Variants in LIMCH1 observed in about 807,000 individuals in gnomAD.
The protein encoded by LIMCH1 is LIM and calponin homology domains-containing protein 1.
Under a neutral mutation model 176.5 loss-of-function variants are expected in LIMCH1, and 113 were observed. The ratio of observed to expected loss-of-function variants is 0.64; its 90% CI spans 0.55 to 0.75. The LOEUF (loss-of-function observed/expected upper bound fraction) is 0.75, where lower values mean the gene tolerates loss of function less well. Ranked by LOEUF, LIMCH1 falls within the 30% of genes least tolerant of loss-of-function variation. The probability of loss-of-function intolerance (pLI) is 0.00; values close to 1 mark genes in which losing one functional copy is unlikely to be tolerated. For synonymous variants in LIMCH1, 619 were observed against 645.9 expected, an observed-to-expected ratio of 0.96 and a Z score of 0.63; for missense variants, 1,674 against 1,814.9, an observed-to-expected ratio of 0.92 and a Z score of 1.41.
intron 2 of LIMCH1, among the ~76,000 whole-genome samples, chr4:41,509,343 T>A (rs1184986407): frequency 2.6e-5 from 4 of 152,172 alleles, no homozygotes; most frequent in Non-Finnish European, 4.4e-5. Flanking sequence ...TAGGGCACAA[T>A]GTGTCTTTGC....
At chr4:41,653,127 G>A (rs1036916537) in intron 18 of LIMCH1, among the ~76,000 whole-genome samples, 4 of 152,146 alleles carry the variant, frequency 2.6e-5, no homozygotes, top group Non-Finnish European at 5.9e-5. Flanking sequence ...GTTGTTAGCT[G>A]TACTACATAG....
At chr4:41,503,320 T>C (rs910651898) in intron 2 of LIMCH1, among the ~76,000 whole-genome samples, 2 of 152,042 alleles carry the variant, frequency 1.3e-5, no homozygotes, top group African/African-American at 2.4e-5. Flanking sequence ...GCATGGGCGC[T>C]CTCCACAGTC....
upstream of LIMCH1, among the ~76,000 whole-genome samples, chr4:41,360,357 G>C (rs983825124): frequency 2.6e-5 from 4 of 152,010 alleles, no homozygotes; most frequent in African/African-American, 2.4e-5. This position sits in a 1 kb window ranked among gnomAD's most constrained non-coding sequence, Gnocchi z 4.5. Context: ...CCGCTCCCCC[G>C]GGCCCGGGTG....
rs1332730682 is a variant in LIMCH1 at position 41,440,036 on chromosome 4, A to G, written c.97-54500A>G. On this transcript the variant is annotated intron_variant, in intron 1 of 26. Coordinates refer to the LIMCH1 transcript ENST00000313860. ...TCCTGTACACTAGGCATTTTGCTTGATGCTTCATGATTAAGGTAGTATTCC... is the reference window on the plus strand; with the variant it reads ...TCCTGTACACTAGGCATTTTGCTTGGTGCTTCATGATTAAGGTAGTATTCC... Among the ~76,000 whole-genome samples the G allele has an allele frequency of 2.0e-5, 3 of 152,208 alleles. No individual in the cohort carries two copies. The East Asian group carries it at 5.8e-4, about 29-fold the overall frequency.
At chr4:41,517,264 C>G (rs2075673466) in intron 2 of LIMCH1, among the ~76,000 whole-genome samples, 1 of 152,164 alleles carries the variant, frequency 6.6e-6, no homozygotes, top group Non-Finnish European at 1.5e-5. Context: ...TCTGCCTGTG[C>G]TTCATTGGCC....
intron 1 of LIMCH1, among the ~76,000 whole-genome samples, chr4:41,408,755 T>A (rs1417816729): frequency 3.9e-5 from 6 of 152,200 alleles, no homozygotes; most frequent in Non-Finnish European, 2.9e-5. Context: ...TTTGTTCTGC[T>A]CTTTCTTAAA....
chr4:41,501,810 G>A (rs923008549), intron 2 of LIMCH1, among the ~76,000 whole-genome samples: 6 of 149,100 alleles, frequency 4.0e-5, no homozygotes, highest in Non-Finnish European at 8.9e-5. Context: ...CAGGAAGGCG[G>A]GTTTAAAATC....
At chr4:41,538,412 A>C (rs941554242) in intron 1 of LIMCH1, 62 bp downstream of exon 1, 1 of 926,354 alleles carries the variant, frequency 1.1e-6, no homozygotes, top group African/African-American at 1.8e-5. Flanking sequence ...GAAAGAAGGA[A>C]GCTATTTAGA....
intron 1 of LIMCH1, among the ~76,000 whole-genome samples, chr4:41,394,319 A>G (rs2057572880): frequency 6.6e-6 from 1 of 152,200 alleles, no homozygotes; most frequent in Admixed American, 6.5e-5. Context: ...CTTGGGTTAC[A>G]CTTAAACCCT....
intron 29 of LIMCH1, 90 bp from the exon 30 acceptor site, chr4:41,689,437 T>C: frequency 2.9e-6 from 2 of 687,010 alleles, no homozygotes; most frequent in Non-Finnish European, 5.3e-6. Context: ...AAAATCCATA[T>C]TTTCATTTTT....
At chr4:41,448,016 C>G (rs1183429639) in intron 1 of LIMCH1, among the ~76,000 whole-genome samples, 2 of 152,174 alleles carry the variant, frequency 1.3e-5, no homozygotes, top group South Asian at 2.1e-4. Flanking sequence ...GTCTCAAACT[C>G]CTGACCTCAG....
At chr4:41,650,102 C>T (rs1024986315) in intron 17 of LIMCH1, among the ~76,000 whole-genome samples, 2 of 152,208 alleles carry the variant, frequency 1.3e-5, no homozygotes, top group East Asian at 3.9e-4. Context: ...TAAGATTCTT[C>T]GGTTTTCTGT....
At chr4:41,428,849 G>A (rs1460383861) in intron 1 of LIMCH1, among the ~76,000 whole-genome samples, 2 of 152,216 alleles carry the variant, frequency 1.3e-5, no homozygotes, top group Non-Finnish European at 2.9e-5. Context: ...GGGCTGAGAG[G>A]CATGGGGTTG....
intron 2 of LIMCH1, among the ~76,000 whole-genome samples, chr4:41,498,257 C>T (rs2072572567): frequency 6.6e-6 from 1 of 152,094 alleles, no homozygotes. Context: ...AGAGAAAAGA[C>T]GAGCACCTAC....
rs780817078 is a variant in LIMCH1, at chr4:41,494,588, A to G, written c.149A>G (p.Asn50Ser). ...AAAGATTTTCGGACAGGTTTAGAAA[A>G]TGGAATCCTCCTCTGCGAGTAAGTA... Residue 50 changes from asparagine (N) to serine (S), a missense_variant, in exon 2 of 27, where the codon AAT becomes AGT. Transcript: ENST00000313860. 13 of 1,611,960 alleles carry G rather than the reference A, an allele frequency of 8.1e-6. No individual in the cohort carries two copies. The Admixed American group carries it at 2.2e-4, about 27-fold the overall frequency.
intron 24 of LIMCH1, 31 bp from the exon 25 acceptor site, chr4:41,680,924 C>T: frequency 8.5e-7 from 1 of 1,179,754 alleles, no homozygotes; most frequent in Non-Finnish European, 1.2e-6. Context: ...TTATTTTCCC[C>T]CCTTTCATCG....
rs557332790 is a variant in LIMCH1, at chr4:41,566,882, T to C, written c.-241+28532T>C. ...AATGCATCAGAAATTGACCACTTCC[T>C]TGTTACTGAAGTCTTTCAAGCCTAG... On this transcript the variant is annotated intron_variant, in intron 1 of 31. Coordinates refer to ENST00000503057, the MANE Select transcript of LIMCH1 (RefSeq NM_001330672.2). Among the ~76,000 whole-genome samples, 3 of 152,338 alleles carry C rather than the reference T, an allele frequency of 2.0e-5. 1 individual carries two copies. In the East Asian group the frequency reaches 5.8e-4, roughly 29 times the overall value.
At chr4:41,497,024 A>AT (rs1367496811) in intron 2 of LIMCH1, among the ~76,000 whole-genome samples, 2 of 152,246 alleles carry the variant, frequency 1.3e-5, no homozygotes, top group African/African-American at 4.8e-5. Flanking sequence ...AATTTTGAAA[A>AT]CTAAGCAGTT....
intron 1 of LIMCH1, among the ~76,000 whole-genome samples, chr4:41,380,828 A>G (rs1038597281): frequency 1.3e-5 from 2 of 152,208 alleles, no homozygotes; most frequent in African/African-American, 4.8e-5. Context: ...TCTGCCAACA[A>G]CATCATTCCT....
Sources: allele counts gnomAD v4.1 joint callset (sites outside exome capture counted in the v4.1 genomes callset), GRCh38; gene constraint gnomAD v4.1.1; non-coding constraint Gnocchi (gnomAD v3.1); transcripts MANE v1.5; gene names NCBI Gene and HGNC (gene_info 2026-07-23, HGNC 2026-07-21).